The following PRXL2A variants were observed in gnomAD, a reference collection of about 807,000 sequenced individuals.
PRXL2A encodes peroxiredoxin like 2A.
In PRXL2A, 26 loss-of-function variants were observed where a neutral mutation model predicts 25.6. The ratio of observed to expected loss-of-function variants is 1.02; its 90% CI spans 0.74 to 1.41. PRXL2A has a LOEUF of 1.41. Ranked by LOEUF, PRXL2A falls within the 40% of genes most tolerant of loss-of-function variation. The pLI is 0.00. For missense variants in PRXL2A, 246 were observed against 273.9 expected (o/e 0.90, Z 0.72); for synonymous variants, 98 against 102.9 (o/e 0.95, Z 0.29).
At position 80,427,614 on chromosome 10, in the gene PRXL2A, C is replaced by T. The variant is rs565074770; in HGVS notation, c.576+118C>T. The T allele has an allele frequency of 3.9e-5, 38 of 974,702 alleles. 3 individuals are homozygous for T. The African/African-American group carries it at 4.6e-4, about 12-fold the overall frequency. 60.4% of individuals were successfully genotyped at this position (974,702 alleles called of 1,614,324 possible). A position where few individuals can be genotyped will look rare whatever the true frequency, so the allele number is the denominator to read the frequency against. ...TGTTTTGGGTCTCCTAGCCTTCCTT[C>T]TAGCAAGCCAGGGAACATGAAGAAG... On this transcript the variant is annotated intron_variant, in intron 5 of 5. Transcript: ENST00000606162.
upstream of PRXL2A, among the ~76,000 whole-genome samples, chr10:80,408,277 G>A (rs1844337834): frequency 6.6e-6 from 1 of 152,198 alleles, no homozygotes; most frequent in Non-Finnish European, 1.5e-5. Context: ...GCTCCATTAG[G>A]GGTGTCCAGC....
At position 80,420,102 on chromosome 10, in the gene PRXL2A, G is replaced by C. The variant is rs139411601; in HGVS notation, c.-2-364G>C. The C allele has an allele frequency of 1.5e-4, 146 of 990,636 alleles. No homozygotes were observed. The African/African-American group carries it at 2.1e-3, about 14-fold the overall frequency. 61.4% of individuals were successfully genotyped at this position (990,636 alleles called of 1,614,324 possible). A position where few individuals can be genotyped will look rare whatever the true frequency, so the allele number is the denominator to read the frequency against. On this transcript the variant is annotated intron_variant, in intron 1 of 5. Coordinates refer to ENST00000606162, the MANE Select transcript of PRXL2A (RefSeq NM_032333.5). The stretch of plus-strand genomic sequence containing the variant: ...CAGGCATTGATGAGGAGGGGAATGA[G>C]GAAGTAGTCTGCCTACAGGGGACAT...
chr10:80,427,907 T>G (rs550202266), intron 5 of PRXL2A, among the ~76,000 whole-genome samples: 3 of 152,194 alleles, frequency 2.0e-5, no homozygotes, highest in African/African-American at 4.8e-5. Context: ...TTGCTGACTT[T>G]AAGTTTTGTT....
At chr10:80,413,927 C>A in intron 1 of PRXL2A, 2 of 1,135,992 alleles carry the variant, frequency 1.8e-6, no homozygotes, top group South Asian at 1.6e-5. Flanking sequence ...GGGTAAGAGA[C>A]CGTTTGAGGA....
intron 1 of PRXL2A, among the ~76,000 whole-genome samples, chr10:80,416,965 G>A (rs1471131239): frequency 2.0e-5 from 3 of 152,184 alleles, no homozygotes; most frequent in East Asian, 3.8e-4. Flanking sequence ...TAGTGAGAAC[G>A]CCACACTTTG....
chr10:80,421,144 T>C (rs1216554792), intron 2 of PRXL2A, among the ~76,000 whole-genome samples: 1 of 152,226 alleles, frequency 6.6e-6, no homozygotes, highest in Non-Finnish European at 1.5e-5. Flanking sequence ...CTTATTAGAA[T>C]GAGGTGTCTG....
At chr10:80,424,390 G>A (rs1396466439) in intron 3 of PRXL2A, among the ~76,000 whole-genome samples, 5 of 109,720 alleles carry the variant, frequency 4.6e-5, no homozygotes, top group South Asian at 3.3e-4. Flanking sequence ...GCAACATAGC[G>A]AGACCCTGTC....
intron 1 of PRXL2A, chr10:80,420,219 T>A: frequency 8.6e-7 from 1 of 1,161,000 alleles, no homozygotes; most frequent in Non-Finnish European, 1.1e-6. Context: ...CTGTCCTTTC[T>A]CTGTCATCAC....
chr10:80,427,200 G>C, intron 4 of PRXL2A, 132 bp from the exon 5 acceptor site: 1 of 684,162 alleles, frequency 1.5e-6, no homozygotes, highest in Non-Finnish European at 2.5e-6. Flanking sequence ...TGTGTTGGGT[G>C]GGAGAGAAGA....
intron 5 of PRXL2A, among the ~76,000 whole-genome samples, chr10:80,427,866 T>G (rs1845103658): frequency 6.6e-6 from 1 of 152,176 alleles, no homozygotes; most frequent in Non-Finnish European, 1.5e-5. Flanking sequence ...GCACAGCTCA[T>G]GGGTGGCACT....
In PRXL2A at chr10:80,422,424, G is replaced by A; in HGVS notation, c.186G>A (p.Arg62=). ...IDLKTLEKEP[R]TFKAKELWEK... Reference sequence around the variant, plus strand: ...CTTTTTTTCCTCTCTTAGAACCAAGGACTTTCAAAGCAAAGGAGCTATGGG... The same window carrying A: ...CTTTTTTTCCTCTCTTAGAACCAAGAACTTTCAAAGCAAAGGAGCTATGGG... The change falls in exon 3 of 6, where the codon AGG becomes AGA. Residue 62 remains arginine (R), a synonymous_variant. Transcript: ENST00000606162. 2 of 1,613,716 alleles carry A rather than the reference G, an allele frequency of 1.2e-6. No homozygotes were observed. The highest frequency in any genetic ancestry group is 1.1e-5 in the South Asian group (1 of 91,060).
intron 1 of PRXL2A, among the ~76,000 whole-genome samples, chr10:80,411,211 G>C (rs1432722695): frequency 1.3e-5 from 2 of 152,242 alleles, no homozygotes; most frequent in African/African-American, 4.8e-5. Flanking sequence ...TCTTGTTATT[G>C]TGGGGAAGAG....
Position 80,436,697 on chromosome 10 carries a change from C to CA in PRXL2A, c.*4600dup, listed in dbSNP as rs1845411622. The stretch of plus-strand genomic sequence containing the variant: ...CATAGAAACTAGAATCCCTCTTCCC[C>CA]AAGGCAGGTCATCAGAAACCAGAAC... On this transcript the variant is annotated 3_prime_UTR_variant, in exon 6 of 6. Transcript: ENST00000606162. 6.6e-6 allele frequency: 1 copy of CA among 152,220 alleles called. No homozygotes were observed. The highest frequency in any genetic ancestry group is 2.4e-5 in the African/African-American group (1 of 41,444). 9.4% of individuals were successfully genotyped at this position (152,220 alleles called of 1,614,324 possible).
rs1437096284 is a variant in PRXL2A, at chr10:80,434,931, G to GGGCT, written c.*2833_*2834insGCTG. 6.6e-6 allele frequency: 1 copy of GGGCT among 152,206 alleles called. No homozygotes were observed. The highest frequency in any genetic ancestry group is 6.5e-5 in the Admixed American group (1 of 15,280). The allele number at this position is 152,206 out of a possible 1,614,324, so 9.4% of individuals were successfully genotyped here. ...AAGTATGTCCTCTAAGAAGAGGGAGGGACTGGGTGCCATGGCTCATGCCTA... is the reference window on the plus strand; with the variant it reads ...AAGTATGTCCTCTAAGAAGAGGGAGGGGCTGACTGGGTGCCATGGCTCATGCCTA... On this transcript the variant is annotated 3_prime_UTR_variant, in exon 6 of 6. Coordinates refer to ENST00000606162, the MANE Select transcript of PRXL2A (RefSeq NM_032333.5).
At chr10:80,416,548 G>A (rs1181931465) in intron 1 of PRXL2A, among the ~76,000 whole-genome samples, 1 of 152,162 alleles carries the variant, frequency 6.6e-6, no homozygotes, top group Non-Finnish European at 1.5e-5. Flanking sequence ...TTCTTAAAGA[G>A]GCCTCTGAGT....
Position 80,433,685 on chromosome 10 carries a change from T to G in PRXL2A, c.*1586T>G, listed in dbSNP as rs139784965. The G allele has an allele frequency of 1.3e-5, 2 of 152,402 alleles. No individual in the cohort carries two copies. The highest frequency in any genetic ancestry group is 2.9e-5 in the Non-Finnish European group (2 of 68,090). The allele number at this position is 152,402 out of a possible 1,614,324, so 9.4% of individuals were successfully genotyped here. A position where few individuals can be genotyped will look rare whatever the true frequency, so the allele number is the denominator to read the frequency against. Reference sequence around the variant, plus strand: ...GCATGGGCCCTTAAAGGGCTGGGCTTCTGCAGCATTTGAGGCCATAGCCTT... The same window carrying G: ...GCATGGGCCCTTAAAGGGCTGGGCTGCTGCAGCATTTGAGGCCATAGCCTT... On this transcript the variant is annotated 3_prime_UTR_variant, in exon 6 of 6. Coordinates refer to ENST00000606162, the MANE Select transcript of PRXL2A (RefSeq NM_032333.5).
intron 5 of PRXL2A, among the ~76,000 whole-genome samples, chr10:80,429,553 C>T (rs1167869649): frequency 5.5e-5 from 8 of 145,758 alleles, no homozygotes; most frequent in Non-Finnish European, 9.1e-5. Context: ...CCGCCCCGCC[C>T]CTAGCCTCTC....
chr10:80,423,651 C>G (rs1844938442), intron 3 of PRXL2A, among the ~76,000 whole-genome samples: 1 of 152,224 alleles, frequency 6.6e-6, no homozygotes, highest in Admixed American at 6.5e-5. Context: ...TCAGTGGGTC[C>G]TCACCATAGC....
chr10:80,427,608 T>C, intron 5 of PRXL2A, 112 bp downstream of exon 5: 1 of 1,045,900 alleles, frequency 9.6e-7, no homozygotes. Flanking sequence ...TCTCCTAGCC[T>C]TCCTTCTAGC....
Sources: allele counts gnomAD v4.1 joint callset (sites outside exome capture counted in the v4.1 genomes callset), GRCh38; gene constraint gnomAD v4.1.1; transcripts MANE v1.5; gene names NCBI Gene and HGNC (gene_info 2026-07-23, HGNC 2026-07-21).